CDK5RAP2: variants seen among roughly 807,000 people sequenced by gnomAD.
The protein encoded by CDK5RAP2 is CDK5 regulatory subunit-associated protein 2.
In CDK5RAP2, 147 loss-of-function variants were observed where a neutral mutation model predicts 232.9. The observed-to-expected ratio is 0.63, with a 90% confidence interval of 0.55 to 0.72. The LOEUF (loss-of-function observed/expected upper bound fraction) is 0.72. Ranked by LOEUF, CDK5RAP2 falls within the 30% of genes least tolerant of loss-of-function variation. The pLI, the probability that CDK5RAP2 is intolerant of heterozygous loss-of-function variation, is 0.00. For synonymous variants in CDK5RAP2, 833 were observed against 833.7 expected (o/e 1.00, Z 0.01); for missense variants, 2,195 against 2,231.5 (o/e 0.98, Z 0.33).
chr9:120,528,048 A>T (rs2040984978), intron 9 of CDK5RAP2, 123 bp from the exon 10 acceptor site: 9 of 1,342,254 alleles, frequency 6.7e-6, no homozygotes, highest in Middle Eastern at 3.9e-4. Context: ...ACCTGTGATT[A>T]ATGTTTCCAA....
chr9:120,543,809 G>T (rs528857128), intron 5 of CDK5RAP2, among the ~76,000 whole-genome samples: 1 of 152,280 alleles, frequency 6.6e-6, no homozygotes, highest in African/African-American at 2.4e-5. Flanking sequence ...AGTGAGCCGA[G>T]ATCATGCCAC....
At position 120,493,997 on chromosome 9, in the gene CDK5RAP2, C is replaced by G. The variant is rs547376925; in HGVS notation, c.1312-2520G>C. Among the ~76,000 whole-genome samples, 13 of 151,262 alleles carry G rather than the reference C, an allele frequency of 8.6e-5. No homozygotes were observed. The South Asian group carries it at 2.7e-3, about 31-fold the overall frequency. ...ATCCCAGCTACTAAGGAGGCTGAGG[C>G]AGGAGAATCACTTGAATCCGAGAGG... On this transcript the variant is annotated intron_variant, in intron 12 of 37. Coordinates refer to ENST00000349780, the MANE Select transcript of CDK5RAP2 (RefSeq NM_018249.6).
Position 120,453,510 on chromosome 9 carries a change from G to GT in CDK5RAP2, c.2738dup (p.His913GlnfsTer22), listed in dbSNP as rs1588378114. 9 of 1,613,388 alleles carry GT rather than the reference G, an allele frequency of 5.6e-6. No individual in the cohort carries two copies. Among genetic ancestry groups the GT allele is most frequent in the Non-Finnish European group, 7.6e-6 (9 of 1,179,574 alleles). On this transcript the variant is annotated frameshift_variant, in exon 21 of 38. Transcript: ENST00000349780. LOFTEE classifies it high-confidence loss of function. ...GGGCAGCCTGCCACCCAGGCACCCC[G>GT]TGCAGGTTCTCTGGCCGATGCTCTG...
intron 23 of CDK5RAP2, among the ~76,000 whole-genome samples, chr9:120,442,947 A>T (rs2035981533): frequency 6.6e-6 from 1 of 152,204 alleles, no homozygotes; most frequent in Non-Finnish European, 1.5e-5. Context: ...CTGGATTAAT[A>T]GTGATTTTTT....
At chr9:120,488,981 G>A (rs1232061561) in intron 13 of CDK5RAP2, among the ~76,000 whole-genome samples, 5 of 152,092 alleles carry the variant, frequency 3.3e-5, no homozygotes, top group Middle Eastern at 3.2e-3. Flanking sequence ...CTCCCATTTG[G>A]TGATTCCTTT....
At chr9:120,547,881 A>C (rs562813697) in intron 4 of CDK5RAP2, among the ~76,000 whole-genome samples, 58 of 152,382 alleles carry the variant, frequency 3.8e-4, no homozygotes, top group African/African-American at 1.3e-3. Context: ...AAGACACTGA[A>C]GTGAACAAGA....
In CDK5RAP2 at chr9:120,411,469, T is replaced by G; in HGVS notation, c.4303A>C (p.Thr1435Pro). Residue 1435 changes from threonine to proline, a missense_variant, in exon 29 of 38, where the codon ACA (threonine) becomes CCA (proline). Coordinates refer to ENST00000349780, the MANE Select transcript of CDK5RAP2 (RefSeq NM_018249.6). Reference sequence around the variant, plus strand: ...TCTGAACCAGAAGCAAAAATGCTTGTAGAACCTATAAAAACACACATAAAA... The same window carrying G: ...TCTGAACCAGAAGCAAAAATGCTTGGAGAACCTATAAAAACACACATAAAA... ...RQGSEFVQGS[T>P]SIFASGSELH... The G allele has an allele frequency of 6.4e-7, 1 of 1,566,514 alleles. No individual in the cohort carries two copies.
chr9:120,485,130 G>C (rs1255337100), intron 14 of CDK5RAP2, among the ~76,000 whole-genome samples: 1 of 151,970 alleles, frequency 6.6e-6, no homozygotes, highest in African/African-American at 2.4e-5. Flanking sequence ...ACCGGGATCT[G>C]AATATTACCA....
intron 18 of CDK5RAP2, 108 bp downstream of exon 18, chr9:120,467,752 C>T (rs535197092): frequency 2.7e-4 from 318 of 1,190,082 alleles, no homozygotes; most frequent in South Asian, 2.3e-4. Context: ...CCCAAGTGAT[C>T]CTCCCACCTC....
chr9:120,517,955 T>A (rs2040414137), intron 12 of CDK5RAP2: 5 of 236,184 alleles, frequency 2.1e-5, no homozygotes, highest in Admixed American at 4.9e-5. Flanking sequence ...GCTGCAGAAG[T>A]CATAAGGCAA....
At position 120,389,262 on chromosome 9, in the gene CDK5RAP2, A is replaced by G. The variant is rs148316430; in HGVS notation, c.5656T>C (p.Cys1886Arg). ...CAGGAGCCTGGTCTGCTGGGACTGC[A>G]TGTTCCTGGATGGGCTCCCCCAGGC... is the stretch of plus-strand genomic sequence containing the variant. ...LRPGGAHPGTCSPSRPGS is the reference protein window; with the variant it reads ...LRPGGAHPGTRSPSRPGS The change falls in exon 38 of 38, where the codon TGC becomes CGC. Residue 1886 changes from cysteine to arginine, a missense_variant. By Grantham distance (180) the Cys-to-Arg change is radical (BLOSUM62 -3). Transcript: ENST00000349780. 15 of 1,612,906 alleles carry G rather than the reference A, an allele frequency of 9.3e-6. No individual in the cohort carries two copies. Among genetic ancestry groups the G allele is most frequent in the Non-Finnish European group, 1.0e-5 (12 of 1,179,462 alleles).
intron 2 of CDK5RAP2, among the ~76,000 whole-genome samples, chr9:120,569,780 TC>T (rs1276943262): frequency 6.6e-6 from 1 of 152,178 alleles, no homozygotes; most frequent in African/African-American, 2.4e-5. Context: ...TGGCTGCCTT[TC>T]TGAGAACAGA....
chr9:120,389,989 C>T, intron 36 of CDK5RAP2: 1 of 611,252 alleles, frequency 1.6e-6, no homozygotes, highest in Non-Finnish European at 3.0e-6. Context: ...AACGCATCAA[C>T]AACACCTCTT....
At chr9:120,411,316 G>T in intron 29 of CDK5RAP2, 42 bp downstream of exon 29, 1 of 1,170,050 alleles carries the variant, frequency 8.5e-7, no homozygotes, top group Non-Finnish European at 1.3e-6. Context: ...GACACAGAAG[G>T]CTTTGGCGTT....
chr9:120,437,371 A>G lies in CDK5RAP2; in HGVS notation c.3879T>C (p.Cys1293=). The G allele has an allele frequency of 1.2e-6, 2 of 1,614,126 alleles. No individual in the cohort carries two copies. The highest frequency in any genetic ancestry group is 1.7e-6 in the Non-Finnish European group (2 of 1,180,002). ...ELLQASDVDY[C]VAEGFQEQLN... The stretch of plus-strand genomic sequence containing the variant: ...GCTGTTCCTGGAAACCCTCGGCCAC[A>G]CAGTAATCCACATCACTGGCCTGCA... Residue 1293 remains cysteine (C), a synonymous_variant, in exon 25 of 38, where the codon TGT becomes TGC. Coordinates refer to ENST00000349780, the MANE Select transcript of CDK5RAP2 (RefSeq NM_018249.6).
intron 25 of CDK5RAP2, among the ~76,000 whole-genome samples, chr9:120,426,583 G>A (rs903666577): frequency 1.3e-5 from 2 of 152,140 alleles, no homozygotes; most frequent in Non-Finnish European, 2.9e-5. Context: ...AGTCCCAGAG[G>A]TGGCCATCCT....
At position 120,415,795 on chromosome 9, in the gene CDK5RAP2, A is replaced by AGGGT. The variant is rs768610349; in HGVS notation, c.4178-637_4178-636insACCC. ...TTTACCAAATAATTCAACTCTTAGG[A>AGGGT]CTCTATTTAAAGAGACCACCAGAGA... On this transcript the variant is annotated intron_variant, in intron 27 of 37. Transcript: ENST00000349780. Among the ~76,000 whole-genome samples the AGGGT allele has an allele frequency of 4.1e-3, 626 of 152,164 alleles. 2 individuals are homozygous for AGGGT. The highest frequency in any genetic ancestry group is 6.2e-3 in the Admixed American group (95 of 15,288).
At chr9:120,487,242 A>C in intron 14 of CDK5RAP2, 52 bp downstream of exon 14, 1 of 1,601,548 alleles carries the variant, frequency 6.2e-7, no homozygotes, top group Non-Finnish European at 8.6e-7. Context: ...TATGTTTCAA[A>C]AAAGTGTATG....
At chr9:120,520,878 A>C (rs2040614976) in intron 11 of CDK5RAP2, among the ~76,000 whole-genome samples, 1 of 152,006 alleles carries the variant, frequency 6.6e-6, no homozygotes, top group Admixed American at 6.5e-5. Flanking sequence ...TCTCATATAT[A>C]TCTCATATGA....
Sources: allele counts gnomAD v4.1 joint callset (sites outside exome capture counted in the v4.1 genomes callset), GRCh38; gene constraint gnomAD v4.1.1; transcripts MANE v1.5; gene names NCBI Gene and HGNC (gene_info 2026-07-23, HGNC 2026-07-21).